The following DOK5 variants were observed in gnomAD, a reference collection of about 807,000 sequenced individuals.
DOK5 encodes downstream of tyrosine kinase 5.
In DOK5, 27 loss-of-function variants were observed where a neutral mutation model predicts 43.3. The observed-to-expected ratio is 0.62, with a 90% CI of 0.46 to 0.86. The LOEUF is 0.86. Ranked by LOEUF, DOK5 falls within the 40% of genes least tolerant of loss-of-function variation. DOK5 has a pLI of 0.00. For missense variants in DOK5, 373 were observed against 392.9 expected (o/e 0.95, Z 0.43); for synonymous variants, 146 against 140.1 (o/e 1.04, Z -0.30).
intron 6 of DOK5, among the ~76,000 whole-genome samples, chr20:54,634,031 T>C (rs1010888655): frequency 6.6e-6 from 1 of 152,200 alleles, no homozygotes; most frequent in Non-Finnish European, 1.5e-5. Flanking sequence ...CTCAGACTCA[T>C]GAAAGAAGTG....
chr20:54,646,370 T>C (rs6023457), intron 7 of DOK5, among the ~76,000 whole-genome samples: 86,189 of 150,760 alleles, frequency 0.57, 27,678 homozygotes, highest in East Asian at 1. Context: ...CCTCCTGCCT[T>C]AGCCTACCAA....
intron 1 of DOK5, among the ~76,000 whole-genome samples, chr20:54,516,673 C>T (rs538467075): frequency 1.3e-5 from 2 of 152,192 alleles, no homozygotes; most frequent in Non-Finnish European, 2.9e-5. Context: ...TTTACACTGA[C>T]CCAAGATATA....
At chr20:54,584,665 T>A (rs1016626162) in intron 2 of DOK5, among the ~76,000 whole-genome samples, 3 of 150,086 alleles carry the variant, frequency 2.0e-5, no homozygotes, top group Admixed American at 1.3e-4. Context: ...TATACTATAA[T>A]ATATATTTGT....
chr20:54,547,469 T>C (rs1368640553), intron 1 of DOK5, among the ~76,000 whole-genome samples: 1 of 152,312 alleles, frequency 6.6e-6, no homozygotes, highest in East Asian at 1.9e-4. Context: ...TATAGTAAAA[T>C]TAGGAATTCT....
intron 1 of DOK5, among the ~76,000 whole-genome samples, chr20:54,538,143 A>G (rs1459805468): frequency 1.3e-5 from 2 of 151,870 alleles, no homozygotes; most frequent in Non-Finnish European, 1.5e-5. Flanking sequence ...GGCCACAACA[A>G]GAAGTTCTTG....
At chr20:54,549,223 A>G (rs59634021) in intron 1 of DOK5, among the ~76,000 whole-genome samples, 10,454 of 152,314 alleles carry the variant, frequency 0.069, 375 homozygotes, top group Middle Eastern at 0.088. Context: ...TCTGGTCCCA[A>G]CTGAAGAGGT....
chr20:54,547,988 A>G (rs1040373138), intron 1 of DOK5, among the ~76,000 whole-genome samples: 3 of 152,186 alleles, frequency 2.0e-5, no homozygotes, highest in Non-Finnish European at 2.9e-5. Flanking sequence ...TCTAGAGACA[A>G]TTTTGGTTTT....
In DOK5 at chr20:54,602,768, G is replaced by A. The variant is rs182086885; in HGVS notation, c.600-7620G>A. On this transcript the variant is annotated intron_variant, in intron 5 of 7. Coordinates refer to ENST00000262593, the MANE Select transcript of DOK5 (RefSeq NM_018431.5). Reference sequence around the variant, plus strand: ...CGGCTCACTGCAATCTCCACCTCCCGGGTTCAAGCAATTCCTTACCTCAGC... The same window carrying A: ...CGGCTCACTGCAATCTCCACCTCCCAGGTTCAAGCAATTCCTTACCTCAGC... 8.3e-3 allele frequency among the ~76,000 whole-genome samples: 1,268 copies of A among 152,074 alleles called. 18 individuals carry two copies. Among genetic ancestry groups the A allele is most frequent in the African/African-American group, 0.029 (1,207 of 41,460 alleles).
chr20:54,608,223 C>G (rs1199270668), intron 5 of DOK5, among the ~76,000 whole-genome samples: 1 of 152,002 alleles, frequency 6.6e-6, no homozygotes, highest in Non-Finnish European at 1.5e-5. Context: ...TAACAGGTAC[C>G]TTCATTACTT....
At chr20:54,619,855 G>A (rs757622136) in intron 6 of DOK5, among the ~76,000 whole-genome samples, 9 of 152,186 alleles carry the variant, frequency 5.9e-5, no homozygotes, top group African/African-American at 1.7e-4. Flanking sequence ...GATATAGAAG[G>A]CATCAAAGAA....
At chr20:54,504,806 G>T (rs1366282647) in intron 1 of DOK5, among the ~76,000 whole-genome samples, 7 of 152,178 alleles carry the variant, frequency 4.6e-5, no homozygotes, top group Non-Finnish European at 1.0e-4. Flanking sequence ...TGCATCAAAG[G>T]CTTGTTGGCT....
intron 6 of DOK5, among the ~76,000 whole-genome samples, chr20:54,617,514 G>T (rs190038033): frequency 3.3e-5 from 5 of 151,928 alleles, no homozygotes; most frequent in African/African-American, 9.7e-5. Flanking sequence ...GTAGACATGA[G>T]GTCTCCCTAT....
intron 1 of DOK5, among the ~76,000 whole-genome samples, chr20:54,554,249 A>G (rs115816858): frequency 0.013 from 1,976 of 152,330 alleles, 27 homozygotes; most frequent in African/African-American, 0.03. Flanking sequence ...TGTCTCTTTT[A>G]CCTAGAGTAG....
chr20:54,582,792 C>T (rs1985682927), intron 2 of DOK5, among the ~76,000 whole-genome samples: 1 of 151,868 alleles, frequency 6.6e-6, no homozygotes, highest in South Asian at 2.1e-4. Context: ...AGCTATTTGT[C>T]AGTTTCATTG....
chr20:54,476,937 A>G (rs1370358665), intron 1 of DOK5, among the ~76,000 whole-genome samples: 1 of 151,980 alleles, frequency 6.6e-6, no homozygotes, highest in Non-Finnish European at 1.5e-5. Flanking sequence ...TTTATTTCCT[A>G]AAAATTTCAA....
At chr20:54,510,881 G>C (rs942861214) in intron 1 of DOK5, among the ~76,000 whole-genome samples, 6 of 152,180 alleles carry the variant, frequency 3.9e-5, no homozygotes, top group Non-Finnish European at 8.8e-5. Flanking sequence ...GAATGAGCCA[G>C]AGGGCTCCGC....
chr20:54,508,025 A>G (rs981844578), intron 1 of DOK5, among the ~76,000 whole-genome samples: 1 of 152,224 alleles, frequency 6.6e-6, no homozygotes, highest in Non-Finnish European at 1.5e-5. Flanking sequence ...CAAAGCCATG[A>G]GAAATACATC....
chr20:54,497,001 C>T (rs1296998403), intron 1 of DOK5, among the ~76,000 whole-genome samples: 5 of 152,072 alleles, frequency 3.3e-5, no homozygotes, highest in African/African-American at 1.2e-4. Context: ...GGTGGACAGA[C>T]AGATCTTTCT....
chr20:54,584,826 T>C (rs1985756163), intron 2 of DOK5, among the ~76,000 whole-genome samples: 2 of 151,634 alleles, frequency 1.3e-5, no homozygotes. Flanking sequence ...ATATTTTCAT[T>C]TGCTTTCATG....
Sources: gnomAD v4.1 joint callset for allele counts (sites outside exome capture counted in the v4.1 genomes callset) on GRCh38, gnomAD v4.1.1 for gene constraint, MANE v1.5 for transcripts, NCBI Gene and HGNC (gene_info 2026-07-23, HGNC 2026-07-21) for gene names.